RECQL: variants seen among roughly 807,000 people sequenced by gnomAD.
The protein encoded by RECQL is RecQ like helicase.
Under a neutral mutation model 75.8 loss-of-function variants are expected in RECQL, and 73 were observed. The observed-to-expected ratio is 0.96, with a 90% confidence interval of 0.80 to 1.17. RECQL has a LOEUF of 1.17. Among genes scored for constraint, RECQL ranks in the 50% most tolerant of loss-of-function variants. The pLI is 0.00. For synonymous variants in RECQL, 248 were observed against 254.4 expected, an observed-to-expected ratio of 0.97 and a Z score of 0.24; for missense variants, 699 against 772.1, an observed-to-expected ratio of 0.91 and a Z score of 1.12.
In RECQL at chr12:21,471,013, C is replaced by T; in HGVS notation, c.1753G>A (p.Ala585Thr). Residue 585 changes from alanine (A) to threonine (T), a missense_variant, in exon 14 of 15, where the codon GCT becomes ACT. By Grantham distance (58) the Ala-to-Thr change is moderately conservative (BLOSUM62 0). Transcript: ENST00000444129. ...GACTTTGTCACTTGCATAGTAATAG[C>T]ATGTGCCTCATTGTTCAGAAGATTA... Reference protein sequence around the residue: ...KANLLNNEAHAITMQVTKSTQ... With the variant: ...KANLLNNEAHTITMQVTKSTQ... 1.3e-6 allele frequency: 2 copies of T among 1,596,348 alleles called. No individual in the cohort carries two copies. The highest frequency in any genetic ancestry group is 2.3e-5 in the South Asian group (2 of 88,332).
rs1943228560 is a variant in RECQL, at chr12:21,483,381, C to G, written c.695G>C (p.Arg232Thr). Residue 232 changes from arginine (R) to threonine (T), a missense_variant, in exon 6 of 15, where the codon AGA becomes ACA. Around this residue, in one of 2 missense-constraint regions of RECQL, gnomAD observed 669 missense variants for 713.5 expected, o/e 0.94. Coordinates refer to ENST00000444129, the MANE Select transcript of RECQL (RefSeq NM_002907.4). Reference sequence around the variant, plus strand: ...TCTAGATAAAACATACATACCAGGTCTGAAATCATGTCCCCACTGACTACA... The same window carrying G: ...TCTAGATAAAACATACATACCAGGTGTGAAATCATGTCCCCACTGACTACA... ...HCCSQWGHDF[R>T]PDYKALGILK... The G allele has an allele frequency of 6.3e-7, 1 of 1,599,986 alleles. No homozygotes were observed. Among genetic ancestry groups the G allele is most frequent in the African/African-American group, 1.4e-5 (1 of 73,930 alleles).
chr12:21,472,334 C>T (rs1337831025), intron 12 of RECQL, among the ~76,000 whole-genome samples: 1 of 151,782 alleles, frequency 6.6e-6, no homozygotes, highest in Admixed American at 6.6e-5. Flanking sequence ...ATGCAAGAAA[C>T]AATCTGAGAG....
chr12:21,486,744 C>T (rs1257081170), intron 4 of RECQL, among the ~76,000 whole-genome samples, 159 bp from the exon 5 acceptor site: 2 of 127,174 alleles, frequency 1.6e-5, no homozygotes, highest in African/African-American at 6.0e-5. Context: ...GATGTTGGCT[C>T]ATTGCAACCT....
intron 13 of RECQL, 121 bp from the exon 14 acceptor site, chr12:21,471,219 T>C (rs745866449): frequency 8.9e-7 from 1 of 1,122,708 alleles, no homozygotes; most frequent in South Asian, 1.8e-5. Context: ...TAATAAAATT[T>C]ACAAGAATGC....
chr12:21,484,248 T>G lies in RECQL; in HGVS notation c.502-674A>C, dbSNP rs1050057056. ...TATAAAAACATGCCAGTGAATGAGA[T>G]AGAAAGAGACAGTCAAACTACTTTC... On this transcript the variant is annotated intron_variant, in intron 5 of 14. Transcript: ENST00000444129. Among the ~76,000 whole-genome samples the G allele has an allele frequency of 4.6e-4, 70 of 152,100 alleles. 5 individuals are homozygous for G. Among genetic ancestry groups the G allele is most frequent in the Admixed American group, 6.5e-5 (1 of 15,268 alleles).
chr12:21,476,147 T>G (rs1287776200), intron 8 of RECQL, among the ~76,000 whole-genome samples: 2 of 152,070 alleles, frequency 1.3e-5, no homozygotes, highest in Non-Finnish European at 2.9e-5. Flanking sequence ...GAATGCAGTG[T>G]TCTCCAGATT....
chr12:21,483,213 C>T (rs949964056), intron 6 of RECQL, among the ~76,000 whole-genome samples, 163 bp downstream of exon 6: 1 of 152,084 alleles, frequency 6.6e-6, no homozygotes, highest in Admixed American at 6.5e-5. Context: ...CCAAAAAAAT[C>T]CAAAATTTAA....
intron 2 of RECQL, among the ~76,000 whole-genome samples, chr12:21,499,084 A>G (rs76506684): frequency 0.05 from 7,542 of 152,284 alleles, 272 homozygotes; most frequent in Non-Finnish European, 0.072. Context: ...GTCAGTGTAT[A>G]CTCAGCAGTA....
chr12:21,491,965 C>A (rs1191092975), intron 2 of RECQL, among the ~76,000 whole-genome samples: 2 of 152,112 alleles, frequency 1.3e-5, no homozygotes, highest in Non-Finnish European at 2.9e-5. Context: ...AAAATGGGGA[C>A]AATATCTAAC....
chr12:21,488,076 T>C (rs1478556933), intron 4 of RECQL, among the ~76,000 whole-genome samples: 1 of 152,192 alleles, frequency 6.6e-6, no homozygotes, highest in Non-Finnish European at 1.5e-5. Flanking sequence ...CCAGTTCCAC[T>C]TCCTCAATTC....
chr12:21,498,173 C>A (rs1943543204), intron 2 of RECQL, among the ~76,000 whole-genome samples: 1 of 152,188 alleles, frequency 6.6e-6, no homozygotes, highest in Admixed American at 6.5e-5. Context: ...CTATGTTCAC[C>A]AACAACCTGC....
intron 4 of RECQL, among the ~76,000 whole-genome samples, chr12:21,487,359 T>C (rs1018101428): frequency 6.6e-6 from 1 of 152,218 alleles, no homozygotes; most frequent in East Asian, 1.9e-4. Flanking sequence ...TTTTACTTTT[T>C]GTACGAGATT....
At chr12:21,500,581 G>A (rs556304542) in intron 1 of RECQL, among the ~76,000 whole-genome samples, 21 of 152,310 alleles carry the variant, frequency 1.4e-4, no homozygotes, top group African/African-American at 4.8e-4. Context: ...TTAAAAGAAG[G>A]CTAAATAGGA....
intron 2 of RECQL, among the ~76,000 whole-genome samples, chr12:21,496,117 C>T (rs1397728890): frequency 2.0e-5 from 3 of 152,228 alleles, no homozygotes; most frequent in African/African-American, 7.2e-5. Context: ...TTACTGCCTA[C>T]ATCAACGGCA....
At chr12:21,482,627 A>T (rs975636989) in intron 6 of RECQL, among the ~76,000 whole-genome samples, 1 of 152,164 alleles carries the variant, frequency 6.6e-6, no homozygotes, top group Non-Finnish European at 1.5e-5. Flanking sequence ...GGCAAATATA[A>T]CAGAAGTAAG....
chr12:21,501,573 T>A lies in RECQL; in HGVS notation c.-449A>T, dbSNP rs1156258010. On this transcript the variant is annotated 5_prime_UTR_variant, in exon 1 of 15. Transcript: ENST00000444129. The stretch of plus-strand genomic sequence containing the variant: ...TCTCCGACACCAAAGCACCCAGGCC[T>A]CGAGCAGATCTTTCCGCTACTCGGG... 2 of 297,248 alleles carry A rather than the reference T, an allele frequency of 6.7e-6. No homozygotes were observed. The highest frequency in any genetic ancestry group is 4.4e-5 in the African/African-American group (2 of 45,496). 18.4% of individuals were successfully genotyped at this position (297,248 alleles called of 1,614,324 possible).
chr12:21,475,499 C>G lies in RECQL; in HGVS notation c.1185G>C (p.Met395Ile). Residue 395 changes from methionine (M) to isoleucine (I), a missense_variant, in exon 10 of 15, where the codon ATG (methionine) becomes ATC (isoleucine). This residue lies in a region of RECQL where 669 missense variants were observed against 713.5 expected (regional missense o/e 0.94). Transcript: ENST00000444129. Reference sequence around the variant, plus strand: ...GTCCACTCTCTTGGTAATAATTTTCCATGGATTTACTCATTGAATGATGGA... The same window carrying G: ...GTCCACTCTCTTGGTAATAATTTTCGATGGATTTACTCATTGAATGATGGA... ...FVIHHSMSKS[M>I]ENYYQESGRA... The G allele has an allele frequency of 6.2e-7, 1 of 1,611,792 alleles. No individual in the cohort carries two copies. Among genetic ancestry groups the G allele is most frequent in the Non-Finnish European group, 8.5e-7 (1 of 1,178,586 alleles).
intron 1 of RECQL, 148 bp downstream of exon 1, chr12:21,501,022 G>A (rs1943602703): frequency 1.3e-5 from 2 of 152,116 alleles, no homozygotes; most frequent in Non-Finnish European, 2.9e-5. Context: ...CATCAATGTT[G>A]GAGGAAACGC....
At chr12:21,486,313 G>A (rs1410310038) in intron 5 of RECQL, among the ~76,000 whole-genome samples, 166 bp downstream of exon 5, 2 of 151,752 alleles carry the variant, frequency 1.3e-5, no homozygotes, top group South Asian at 2.1e-4. Context: ...TAACTCATGG[G>A]ACATACAAAA....
Sources: allele counts gnomAD v4.1 joint callset (sites outside exome capture counted in the v4.1 genomes callset), GRCh38; gene constraint gnomAD v4.1.1; regional missense constraint gnomAD v4.1.1; transcripts MANE v1.5; gene names NCBI Gene and HGNC (gene_info 2026-07-23, HGNC 2026-07-21).